LYN: variants seen among roughly 807,000 people sequenced by gnomAD.
LYN encodes LYN proto-oncogene, Src family tyrosine kinase, also known as tyrosine-protein kinase Lyn.
In LYN, 12 loss-of-function variants were observed where a neutral mutation model predicts 65.0. The ratio of observed to expected loss-of-function variants is 0.18; its 90% CI spans 0.12 to 0.30. The LOEUF (loss-of-function observed/expected upper bound fraction) is 0.30, where lower values mean the gene tolerates loss of function less well. Among genes scored for constraint, LYN ranks in the 10% least tolerant of loss-of-function variants. LYN has a pLI of 1.00. For synonymous variants in LYN, 222 were observed against 221.2 expected (o/e 1.00, Z -0.03); for missense variants, 380 against 623.2 (o/e 0.61, Z 4.16).
intron 1 of LYN, among the ~76,000 whole-genome samples, chr8:55,922,835 C>T (rs552868418): frequency 8.6e-5 from 13 of 151,750 alleles, no homozygotes; most frequent in South Asian, 2.1e-4. Flanking sequence ...TGTAGCAAAA[C>T]GGGAGGGTGC....
chr8:55,972,953 A>G (rs1807650886), intron 10 of LYN, among the ~76,000 whole-genome samples: 1 of 152,226 alleles, frequency 6.6e-6, no homozygotes, highest in Admixed American at 6.5e-5. Context: ...CAATAGCGTC[A>G]GAGTTGGGAA....
chr8:55,976,526 G>A (rs182232448), intron 10 of LYN, among the ~76,000 whole-genome samples: 1 of 152,100 alleles, frequency 6.6e-6, no homozygotes, highest in Non-Finnish European at 1.5e-5. Flanking sequence ...CAGGCACTGT[G>A]TCAGGAGGGA....
intron 1 of LYN, among the ~76,000 whole-genome samples, chr8:55,922,911 A>G (rs1415345602): frequency 6.6e-6 from 1 of 152,188 alleles, no homozygotes; most frequent in Non-Finnish European, 1.5e-5. Flanking sequence ...AGCAATTAAT[A>G]TTAGGTAGGG....
chr8:55,900,811 T>A (rs1237915287), intron 1 of LYN, among the ~76,000 whole-genome samples: 1 of 152,150 alleles, frequency 6.6e-6, no homozygotes, highest in Non-Finnish European at 1.5e-5. Context: ...CTAGCTTGCA[T>A]TTTTTTCCAC....
At chr8:55,898,350 A>G (rs1283573218) in intron 1 of LYN, among the ~76,000 whole-genome samples, 1 of 152,114 alleles carries the variant, frequency 6.6e-6, no homozygotes, top group African/African-American at 2.4e-5. Context: ...GTGCAGTGGC[A>G]CACTCTTGGC....
chr8:55,919,226 G>T (rs1805876359), intron 1 of LYN, among the ~76,000 whole-genome samples: 1 of 152,098 alleles, frequency 6.6e-6, no homozygotes, highest in South Asian at 2.1e-4. Flanking sequence ...GTGAACATGT[G>T]TGAGAATCTA....
chr8:56,005,139 C>A (rs1808637954), intron 12 of LYN, among the ~76,000 whole-genome samples: 1 of 152,176 alleles, frequency 6.6e-6, no homozygotes, highest in South Asian at 2.1e-4. Context: ...AAAGGTCCCC[C>A]ACTCTATTCC....
chr8:55,967,812 C>G (rs1156553897), intron 9 of LYN, among the ~76,000 whole-genome samples: 1 of 152,136 alleles, frequency 6.6e-6, no homozygotes, highest in Non-Finnish European at 1.5e-5. Flanking sequence ...GACTTTGAAT[C>G]AACATCCTTC....
intron 10 of LYN, among the ~76,000 whole-genome samples, chr8:55,994,241 C>T (rs1022257841): frequency 2.6e-5 from 4 of 152,026 alleles, no homozygotes; most frequent in African/African-American, 4.8e-5. Context: ...TGATATTTAT[C>T]ATCTGAAAAG....
intron 10 of LYN, among the ~76,000 whole-genome samples, chr8:55,973,677 A>G (rs940097685): frequency 3.9e-5 from 6 of 152,232 alleles, no homozygotes; most frequent in African/African-American, 1.2e-4. Flanking sequence ...ATCATCTTGT[A>G]ATTCAGACCA....
intron 1 of LYN, among the ~76,000 whole-genome samples, chr8:55,922,839 A>AG (rs1376390477): frequency 2.0e-5 from 3 of 152,134 alleles, no homozygotes; most frequent in African/African-American, 7.2e-5. Flanking sequence ...GCAAAACGGG[A>AG]GGGTGCCAGC....
intron 1 of LYN, among the ~76,000 whole-genome samples, chr8:55,890,495 G>A (rs1271765881): frequency 6.6e-6 from 1 of 152,144 alleles, no homozygotes; most frequent in Non-Finnish European, 1.5e-5. Flanking sequence ...AGTGTAAAAT[G>A]CTACAGCTAT....
chr8:55,930,728 T>G (rs1806241876), intron 1 of LYN, among the ~76,000 whole-genome samples: 1 of 152,200 alleles, frequency 6.6e-6, no homozygotes, highest in Admixed American at 6.5e-5. Context: ...TCTTGCAGCA[T>G]GTTGATGGGG....
At chr8:55,970,050 T>C (rs1378764945) in intron 10 of LYN, among the ~76,000 whole-genome samples, 1 of 152,250 alleles carries the variant, frequency 6.6e-6, no homozygotes, top group African/African-American at 2.4e-5. Context: ...GTTCATTTCA[T>C]AAGTCATAGA....
intron 10 of LYN, among the ~76,000 whole-genome samples, chr8:55,989,248 C>T (rs570108341): frequency 7.2e-5 from 11 of 152,216 alleles, no homozygotes; most frequent in Non-Finnish European, 1.3e-4. Flanking sequence ...AGATGAATGA[C>T]CTGGATGGTC....
At chr8:55,995,715 C>A (rs1051148689) in intron 10 of LYN, among the ~76,000 whole-genome samples, 3 of 152,030 alleles carry the variant, frequency 2.0e-5, no homozygotes, top group African/African-American at 7.2e-5. Flanking sequence ...GCGTTCCACA[C>A]AGAGGCAGGG....
chr8:55,901,487 T>A, intron 1 of LYN, among the ~76,000 whole-genome samples: 1 of 152,222 alleles, frequency 6.6e-6, no homozygotes, highest in Non-Finnish European at 1.5e-5. Context: ...GATCCTTCTT[T>A]TGCACACCTG....
At chr8:55,919,510 G>C (rs1438937678) in intron 1 of LYN, among the ~76,000 whole-genome samples, 3 of 152,164 alleles carry the variant, frequency 2.0e-5, no homozygotes, top group Non-Finnish European at 4.4e-5. Context: ...ACCATGGAGG[G>C]ATGGGATGGG....
At chr8:55,936,409 G>T (rs56119798) in intron 1 of LYN, among the ~76,000 whole-genome samples, 10 of 152,116 alleles carry the variant, frequency 6.6e-5, no homozygotes, top group Non-Finnish European at 1.3e-4. Flanking sequence ...GGAGGCTCAC[G>T]TGGGAGGATC....
Sources: gnomAD v4.1 joint callset for allele counts (sites outside exome capture counted in the v4.1 genomes callset) on GRCh38, gnomAD v4.1.1 for gene constraint, MANE v1.5 for transcripts, NCBI Gene and HGNC (gene_info 2026-07-23, HGNC 2026-07-21) for gene names.